Variants in PCDHA3 observed in about 807,000 individuals in gnomAD.
The protein encoded by PCDHA3 is protocadherin alpha 3.
In PCDHA3, 41 loss-of-function variants were observed where a neutral mutation model predicts 62.2. That is an observed-to-expected ratio of 0.66 (90% confidence interval 0.51 to 0.86). The LOEUF (loss-of-function observed/expected upper bound fraction) is 0.86, where lower values mean the gene tolerates loss of function less well. PCDHA3 is among the 40% of genes least tolerant of loss of function. The pLI is 0.00. For synonymous variants in PCDHA3, 640 were observed against 555.4 expected (o/e 1.15, Z -2.14); for missense variants, 1,304 against 1,241.2 (o/e 1.05, Z -0.76).
Position 140,848,364 on chromosome 5 carries a change from G to A in PCDHA3, c.2394+44773G>A, listed in dbSNP as rs2150409515. On this transcript the variant is annotated intron_variant, in intron 1 of 3. Transcript: ENST00000522353. ...AATACAGCCCTTTTCCCATGGGAAA[G>A]AGGCTCAATTCTTTTTCACTCTCTC... The A allele has an allele frequency of 1.5e-5, 16 of 1,077,594 alleles. 3 individuals carry two copies. In the Admixed American group the frequency reaches 2.3e-4, roughly 16 times the overall value. 66.8% of individuals were successfully genotyped at this position (1,077,594 alleles called of 1,614,324 possible). A position where few individuals can be genotyped will look rare whatever the true frequency, so the allele number is the denominator to read the frequency against.
intron 3 of PCDHA3, among the ~76,000 whole-genome samples, chr5:140,993,462 T>TCTCACA (rs1235362335): frequency 7.1e-6 from 1 of 140,938 alleles, no homozygotes; most frequent in Non-Finnish European, 1.5e-5. Flanking sequence ...TCTTTCTTTC[T>TCTCACA]CACACACACA....
At chr5:140,822,213 G>A in intron 1 of PCDHA3, 1 of 1,614,222 alleles carries the variant, frequency 6.2e-7, no homozygotes, top group Non-Finnish European at 8.5e-7. Context: ...AGTCAAGAAT[G>A]CCAGATTCGC....
rs2150112060 is a variant in PCDHA3, at chr5:140,821,924, A to T, written c.2394+18333A>T. On this transcript the variant is annotated intron_variant, in intron 1 of 3. Transcript: ENST00000522353. ...ACCTTCGTTGGCCGCATCGCGCAGG[A>T]CCTAGGGCTGGAGCTGGCGGAGCTG... 7 of 1,614,172 alleles carry T rather than the reference A, an allele frequency of 4.3e-6. No individual in the cohort carries two copies. In the Admixed American group the frequency reaches 1.2e-4, roughly 27 times the overall value.
rs200002785 is a variant in PCDHA3, at chr5:140,870,350, A to G, written c.2394+66759A>G. On this transcript the variant is annotated intron_variant, in intron 1 of 3. Transcript: ENST00000522353. ...CTGGACAGCGCCCTGGACCGCGAGA[A>G]CGTGTGGGCCTATGAACTGGTGGTG... 1.1e-4 allele frequency: 183 copies of G among 1,614,052 alleles called. 1 individual carries two copies. Among genetic ancestry groups the G allele is most frequent in the Middle Eastern group, 3.3e-4 (2 of 6,084 alleles).
chr5:140,928,510 A>T (rs782757628), intron 1 of PCDHA3: 1 of 1,614,166 alleles, frequency 6.2e-7, no homozygotes, highest in Non-Finnish European at 8.5e-7. Context: ...TGCAACAGTG[A>T]CTATAAACTT....
chr5:140,851,530 A>G (rs2042087003), intron 1 of PCDHA3: 6 of 902,946 alleles, frequency 6.6e-6, no homozygotes, highest in Non-Finnish European at 8.1e-6. Context: ...ATGCCTGACA[A>G]TGTAGATAAT....
intron 1 of PCDHA3, among the ~76,000 whole-genome samples, chr5:140,941,848 G>A (rs2093183003): frequency 6.6e-6 from 1 of 152,142 alleles, no homozygotes; most frequent in South Asian, 2.1e-4. Flanking sequence ...GCCATTACCT[G>A]ATATTCCCTA....
At chr5:140,978,473 T>C (rs1401475037) in intron 1 of PCDHA3, among the ~76,000 whole-genome samples, 1 of 152,238 alleles carries the variant, frequency 6.6e-6, no homozygotes, top group Non-Finnish European at 1.5e-5. Flanking sequence ...TCAAATATGC[T>C]GCAGTCTGCA....
At chr5:140,830,182 C>A (rs2150182524) in intron 1 of PCDHA3, 1 of 1,613,656 alleles carries the variant, frequency 6.2e-7, no homozygotes. Context: ...TGGATGTCAA[C>A]GTGTACCTGA....
intron 3 of PCDHA3, among the ~76,000 whole-genome samples, chr5:141,005,512 G>C (rs1015892170): frequency 6.6e-6 from 1 of 151,536 alleles, no homozygotes; most frequent in Non-Finnish European, 1.5e-5. Flanking sequence ...GACCATCCTG[G>C]CTAACACGGT....
intron 1 of PCDHA3, among the ~76,000 whole-genome samples, chr5:140,902,795 A>G (rs555172255): frequency 6.8e-4 from 103 of 151,862 alleles, no homozygotes; most frequent in African/African-American, 2.3e-3. Context: ...TCTCACTTGT[A>G]TGTGAGAATA....
chr5:140,846,829 T>C (rs1554141506), intron 1 of PCDHA3, among the ~76,000 whole-genome samples: 1 of 149,526 alleles, frequency 6.7e-6, no homozygotes, highest in African/African-American at 2.5e-5. Flanking sequence ...AAATAAAGAA[T>C]ATGAGTCACA....
Position 140,828,319 on chromosome 5 carries a change from G to A in PCDHA3, c.2394+24728G>A, listed in dbSNP as rs2150153971. The A allele has an allele frequency of 4.5e-5, 73 of 1,614,234 alleles. No individual in the cohort carries two copies. In the East Asian group the frequency reaches 1.0e-3, roughly 23 times the overall value. On this transcript the variant is annotated intron_variant, in intron 1 of 3. Coordinates refer to ENST00000522353, the MANE Select transcript of PCDHA3 (RefSeq NM_018906.3). The stretch of plus-strand genomic sequence containing the variant: ...CCAAAGACCGCGAGGACCTTCTGGA[G>A]GTAAATCTGCAGAATGGCATTTTGT...
intron 3 of PCDHA3, among the ~76,000 whole-genome samples, chr5:140,999,039 T>C (rs1554256567): frequency 6.6e-6 from 1 of 152,214 alleles, no homozygotes; most frequent in Admixed American, 6.5e-5. Flanking sequence ...CTTCGTCCAG[T>C]GTGCTTTCCA....
At chr5:140,979,102 C>G in intron 2 of PCDHA3, 95 bp downstream of exon 2, 1 of 1,541,802 alleles carries the variant, frequency 6.5e-7, no homozygotes. Context: ...GCTGTCAAAA[C>G]TAAAAAGCTT....
intron 1 of PCDHA3, among the ~76,000 whole-genome samples, chr5:140,954,268 A>C (rs1381458746): frequency 2.0e-5 from 3 of 152,224 alleles, no homozygotes; most frequent in African/African-American, 7.2e-5. Flanking sequence ...TCTTTATAAT[A>C]GGATGATTTA....
intron 1 of PCDHA3, among the ~76,000 whole-genome samples, chr5:140,832,976 A>G (rs2150205611): frequency 1.2e-4 from 18 of 152,224 alleles, no homozygotes; most frequent in African/African-American, 4.3e-4. Flanking sequence ...AAATGTACCT[A>G]GAAATGAGGA....
chr5:140,810,369 A>G (rs1393479569), intron 1 of PCDHA3: 1 of 152,214 alleles, frequency 6.6e-6, no homozygotes, highest in East Asian at 1.9e-4. Flanking sequence ...TTTGTGGGTC[A>G]CAGAATATGT....
intron 1 of PCDHA3, chr5:140,808,838 C>T: frequency 6.2e-7 from 1 of 1,613,150 alleles, no homozygotes; most frequent in South Asian, 1.1e-5. Flanking sequence ...CAACGTGACG[C>T]TGCAGGTGTT....
Sources: gnomAD v4.1 joint callset for allele counts (sites outside exome capture counted in the v4.1 genomes callset) on GRCh38, gnomAD v4.1.1 for gene constraint, MANE v1.5 for transcripts, NCBI Gene and HGNC (gene_info 2026-07-23, HGNC 2026-07-21) for gene names.